The following CFDP1 variants were observed in gnomAD, a reference collection of about 807,000 sequenced individuals.
CFDP1 encodes chromatin remodeling protein CFDP1, also known as heterochromatin-stabilizing protein CFDP1.
Under a neutral mutation model 40.1 loss-of-function variants are expected in CFDP1, and 31 were observed. The ratio of observed to expected loss-of-function variants is 0.77; its 90% CI spans 0.58 to 1.04. The LOEUF is 1.04. Ranked by LOEUF, CFDP1 falls within the 50% of genes least tolerant of loss-of-function variation. The probability of loss-of-function intolerance (pLI) is 0.00; values close to 1 mark genes in which losing one functional copy is unlikely to be tolerated. For synonymous variants in CFDP1, 167 were observed against 120.0 expected (o/e 1.39, Z -2.56); for missense variants, 423 against 343.4 (o/e 1.23, Z -1.83).
intron 5 of CFDP1, among the ~76,000 whole-genome samples, chr16:75,328,300 G>A (rs1473947104): frequency 1.1e-4 from 17 of 150,674 alleles, no homozygotes; most frequent in African/African-American, 3.4e-4. Context: ...AAGCTAGAGC[G>A]ATGGCCGGGC....
chr16:75,309,818 T>C (rs76482428), intron 5 of CFDP1, among the ~76,000 whole-genome samples: 2 of 4,808 alleles, frequency 4.2e-4, no homozygotes, highest in Non-Finnish European at 8.2e-4. Context: ...AGACTCCATC[T>C]CAAAAAAAAA....
intron 5 of CFDP1, among the ~76,000 whole-genome samples, chr16:75,325,619 C>T (rs1157627603): frequency 1.3e-5 from 2 of 152,220 alleles, no homozygotes; most frequent in Non-Finnish European, 2.9e-5. Flanking sequence ...AGGGCTGGAA[C>T]GAATGTCTAT....
chr16:75,316,242 T>A (rs1343357195), intron 5 of CFDP1, among the ~76,000 whole-genome samples: 1 of 152,210 alleles, frequency 6.6e-6, no homozygotes, highest in Non-Finnish European at 1.5e-5. Context: ...CTCTCACTTG[T>A]AAAGGTACAT....
intron 5 of CFDP1, chr16:75,379,822 GTTTA>G (rs1480005827): frequency 2.0e-5 from 3 of 152,046 alleles, no homozygotes; most frequent in East Asian, 1.9e-4. Flanking sequence ...AAAATTAAAG[GTTTA>G]TTTATTTATT....
chr16:75,344,608 C>G (rs1422288145), intron 5 of CFDP1, among the ~76,000 whole-genome samples: 1 of 152,124 alleles, frequency 6.6e-6, no homozygotes, highest in Non-Finnish European at 1.5e-5. Flanking sequence ...ACTAATAACC[C>G]TTACAAAGAG....
chr16:75,297,505 G>C (rs1223635021), intron 6 of CFDP1, among the ~76,000 whole-genome samples: 1 of 152,150 alleles, frequency 6.6e-6, no homozygotes, highest in Non-Finnish European at 1.5e-5. Flanking sequence ...CACGGTCCCA[G>C]AACAGACCCA....
intron 5 of CFDP1, among the ~76,000 whole-genome samples, chr16:75,364,469 A>G (rs1412365959): frequency 6.6e-6 from 1 of 152,128 alleles, no homozygotes; most frequent in East Asian, 1.9e-4. Flanking sequence ...TTTTCATGAC[A>G]ACACGAAGAC....
intron 6 of CFDP1, among the ~76,000 whole-genome samples, chr16:75,300,501 G>C (rs1407306590): frequency 6.6e-6 from 1 of 152,154 alleles, no homozygotes; most frequent in East Asian, 1.9e-4. Context: ...GGGCCAGGCT[G>C]GTCTCGAACT....
At chr16:75,373,326 T>C (rs555890292) in intron 5 of CFDP1, among the ~76,000 whole-genome samples, 2 of 152,372 alleles carry the variant, frequency 1.3e-5, no homozygotes, top group African/African-American at 2.4e-5. Context: ...CATAGATTCA[T>C]TATCGTATTG....
At position 75,396,673 on chromosome 16, in the gene CFDP1, T is replaced by C. The variant is rs1006543470; in HGVS notation, c.531-1464A>G. ...GACGAAAGCAACATGACTGAGAATT[T>C]TGTCTAACTTCAAATCTGAAAAAAT... On this transcript the variant is annotated intron_variant, in intron 4 of 6. Coordinates refer to ENST00000283882, the MANE Select transcript of CFDP1 (RefSeq NM_006324.3). 1.5e-4 allele frequency among the ~76,000 whole-genome samples: 16 copies of C among 106,232 alleles called. 3 individuals carry two copies. The highest frequency in any genetic ancestry group is 8.5e-4 in the East Asian group (3 of 3,540). The allele number at this position is 106,232 out of a possible 152,430, so 69.7% of individuals were successfully genotyped here.
At chr16:75,393,207 A>G (rs1405005898) in intron 5 of CFDP1, among the ~76,000 whole-genome samples, 1 of 152,166 alleles carries the variant, frequency 6.6e-6, no homozygotes, top group East Asian at 1.9e-4. Flanking sequence ...TAAGTTTCCC[A>G]GCAGGAATGA....
intron 5 of CFDP1, among the ~76,000 whole-genome samples, chr16:75,354,046 G>A (rs376701108): frequency 6.6e-6 from 1 of 152,020 alleles, no homozygotes; most frequent in South Asian, 2.1e-4. Context: ...GTACCCATAC[G>A]CCCATTCTGG....
chr16:75,390,860 G>C (rs968422364), intron 5 of CFDP1, among the ~76,000 whole-genome samples: 3 of 152,176 alleles, frequency 2.0e-5, no homozygotes, highest in East Asian at 1.9e-4. Context: ...GGTAGTAATA[G>C]AGTCTCATTA....
chr16:75,326,295 G>T (rs759376882), intron 5 of CFDP1, among the ~76,000 whole-genome samples: 4 of 152,150 alleles, frequency 2.6e-5, no homozygotes, highest in Non-Finnish European at 5.9e-5. Flanking sequence ...ACACTACTAC[G>T]TTATGAGCCA....
intron 5 of CFDP1, among the ~76,000 whole-genome samples, chr16:75,333,903 T>C (rs1303675556): frequency 6.6e-6 from 1 of 152,186 alleles, no homozygotes. Flanking sequence ...GATTCAAAAA[T>C]AAGGAAGGAA....
At chr16:75,364,627 A>G (rs531057777) in intron 5 of CFDP1, among the ~76,000 whole-genome samples, 2 of 152,230 alleles carry the variant, frequency 1.3e-5, no homozygotes, top group Non-Finnish European at 2.9e-5. Flanking sequence ...GATATTTAAA[A>G]GATTTGTAAA....
intron 5 of CFDP1, among the ~76,000 whole-genome samples, chr16:75,329,791 T>C (rs2078432050): frequency 6.6e-6 from 1 of 152,244 alleles, no homozygotes; most frequent in Non-Finnish European, 1.5e-5. Flanking sequence ...CAATTTGTTT[T>C]AATGAATTTA....
At position 75,430,169 on chromosome 16, in the gene CFDP1, GTTT is replaced by G. The variant is rs1435267290; in HGVS notation, c.64+3117_64+3119del. ...GTTGTGGAGACCAGAGGTTTTTTTT[GTTT>G]GTTTGTTTGTTTTTTCGAGATGGAG... On this transcript the variant is annotated intron_variant, in intron 1 of 6. Coordinates refer to ENST00000283882, the MANE Select transcript of CFDP1 (RefSeq NM_006324.3). Among the ~76,000 whole-genome samples the G allele has an allele frequency of 3.5e-4, 15 of 42,804 alleles. No homozygotes were observed. In the Admixed American group the frequency reaches 4.6e-3, roughly 13 times the overall value. 28.1% of individuals were successfully genotyped at this position (42,804 alleles called of 152,430 possible).
chr16:75,299,595 A>G (rs1256097987), intron 6 of CFDP1, among the ~76,000 whole-genome samples: 3 of 142,290 alleles, frequency 2.1e-5, no homozygotes, highest in Admixed American at 2.1e-4. Flanking sequence ...ACTCCATCTC[A>G]AAAAAAAAAA....
Sources: allele counts gnomAD v4.1 joint callset (sites outside exome capture counted in the v4.1 genomes callset), GRCh38; gene constraint gnomAD v4.1.1; transcripts MANE v1.5; gene names NCBI Gene and HGNC (gene_info 2026-07-23, HGNC 2026-07-21).